Variants in SKAP1 observed in about 807,000 individuals in gnomAD.
The protein encoded by SKAP1 is src kinase-associated phosphoprotein 1.
SKAP1 carries 44 observed loss-of-function variants against 58.5 expected under a neutral mutation model. The ratio of observed to expected loss-of-function variants is 0.75; its 90% CI spans 0.59 to 0.97. The LOEUF (loss-of-function observed/expected upper bound fraction) is 0.97, where lower values mean the gene tolerates loss of function less well. Ranked by LOEUF, SKAP1 falls within the 50% of genes least tolerant of loss-of-function variation. The probability of loss-of-function intolerance (pLI) is 0.00; values close to 1 mark genes in which losing one functional copy is unlikely to be tolerated. For synonymous variants in SKAP1, 127 were observed against 149.7 expected (o/e 0.85, Z 1.11); for missense variants, 390 against 435.2 (o/e 0.90, Z 0.92).
chr17:48,246,010 A>G (rs2065292466), intron 4 of SKAP1, among the ~76,000 whole-genome samples: 1 of 152,062 alleles, frequency 6.6e-6, no homozygotes, highest in Non-Finnish European at 1.5e-5. Flanking sequence ...AAAACAACAA[A>G]AAAACCCACA....
At chr17:48,226,417 T>C (rs2065069092) in intron 4 of SKAP1, among the ~76,000 whole-genome samples, 1 of 152,168 alleles carries the variant, frequency 6.6e-6, no homozygotes, top group Non-Finnish European at 1.5e-5. Context: ...CATTTTTCTA[T>C]AGGCACTATT....
rs543208757 is a variant in SKAP1, at chr17:48,244,794, A to G, written c.281-55294T>C. 2.6e-5 allele frequency among the ~76,000 whole-genome samples: 4 copies of G among 152,342 alleles called. No homozygotes were observed. The East Asian group carries it at 7.7e-4, about 29-fold the overall frequency. ...CGTTCACAGGGAAAATGAGTCAAAT[A>G]ATTAGTTAAAACTTATATTTACATC... On this transcript the variant is annotated intron_variant, in intron 4 of 12. Coordinates refer to ENST00000336915, the MANE Select transcript of SKAP1 (RefSeq NM_003726.4).
intron 3 of SKAP1, among the ~76,000 whole-genome samples, chr17:48,359,841 A>T (rs2066915101): frequency 6.6e-6 from 1 of 152,032 alleles, no homozygotes; most frequent in Non-Finnish European, 1.5e-5. Flanking sequence ...CCTGGGCTCA[A>T]GCAATCTACC....
chr17:48,251,692 A>G (rs1372538279), intron 4 of SKAP1, among the ~76,000 whole-genome samples: 2 of 152,188 alleles, frequency 1.3e-5, no homozygotes, highest in Non-Finnish European at 2.9e-5. Context: ...ATTGATTAAA[A>G]CATGAAATTC....
At chr17:48,441,269 A>AATTC in the SKAP1 span, among the ~76,000 whole-genome samples, 1 of 152,174 alleles carries the variant, frequency 6.6e-6, no homozygotes, top group Non-Finnish European at 1.5e-5. Flanking sequence ...CAGAGCTGGA[A>AATTC]GGAACTTTAG....
intron 4 of SKAP1, among the ~76,000 whole-genome samples, chr17:48,205,967 G>A (rs995695557): frequency 2.0e-5 from 3 of 152,040 alleles, no homozygotes; most frequent in Non-Finnish European, 2.9e-5. Context: ...GGTCCAGAAC[G>A]TGGTGCTCTG....
intron 4 of SKAP1, among the ~76,000 whole-genome samples, chr17:48,204,973 T>TTTTCTTTTCTTTCTTTTTC (rs71356522): frequency 1.3e-5 from 1 of 77,296 alleles, no homozygotes; most frequent in Non-Finnish European, 2.4e-5. Context: ...TTTTCTTTTC[T>TTTTCTTTTCTTTCTTTTTC]TTTCTTTCTT....
intron 2 of SKAP1, among the ~76,000 whole-genome samples, chr17:48,374,016 G>A (rs767952162): frequency 4.6e-5 from 7 of 151,948 alleles, no homozygotes; most frequent in Non-Finnish European, 8.8e-5. Context: ...ATGACTTAAG[G>A]ACATCCAAAT....
At chr17:48,374,446 C>G (rs16956001) in intron 2 of SKAP1, among the ~76,000 whole-genome samples, 12,446 of 152,262 alleles carry the variant, frequency 0.082, 654 homozygotes, top group East Asian at 0.2. Context: ...TCTCTGTTCT[C>G]TGATAATGGC....
At chr17:48,205,356 G>A (rs1161666296) in intron 4 of SKAP1, among the ~76,000 whole-genome samples, 1 of 151,816 alleles carries the variant, frequency 6.6e-6, no homozygotes, top group East Asian at 1.9e-4. Context: ...AGCAATTCAC[G>A]TGCCTCGGCC....
the SKAP1 span, among the ~76,000 whole-genome samples, chr17:48,444,132 C>T: frequency 1.0e-5 from 1 of 99,198 alleles, no homozygotes; most frequent in African/African-American, 2.7e-5. Flanking sequence ...CAGTGACTCA[C>T]GCCTGTAATC....
chr17:48,185,325 C>T (rs2064434737), intron 6 of SKAP1: 1 of 152,940 alleles, frequency 6.5e-6, no homozygotes, highest in Non-Finnish European at 1.5e-5. Flanking sequence ...ACTTCTCTTC[C>T]CCTTCCCTGC....
intron 1 of SKAP1, among the ~76,000 whole-genome samples, chr17:48,406,242 C>G (rs574150274): frequency 2.2e-4 from 33 of 151,120 alleles, no homozygotes; most frequent in African/African-American, 7.8e-4. Context: ...TCCAGCCTGG[C>G]GACAGAGCAA....
At chr17:48,316,227 C>G (rs910978613) in intron 4 of SKAP1, among the ~76,000 whole-genome samples, 3 of 152,152 alleles carry the variant, frequency 2.0e-5, no homozygotes, top group African/African-American at 7.2e-5. Context: ...GTGACTTAGT[C>G]CTTTCTGTCT....
chr17:48,192,675 G>C (rs527817788), intron 4 of SKAP1, among the ~76,000 whole-genome samples: 20 of 152,236 alleles, frequency 1.3e-4, no homozygotes, highest in Admixed American at 5.2e-4. Flanking sequence ...AATTACCCAG[G>C]GGGGAGGAAG....
chr17:48,222,930 G>A (rs1251620329), intron 4 of SKAP1, among the ~76,000 whole-genome samples: 1 of 151,304 alleles, frequency 6.6e-6, no homozygotes, highest in Non-Finnish European at 1.5e-5. Context: ...TGGGCGTGGA[G>A]GTGAGTGCCT....
intron 4 of SKAP1, among the ~76,000 whole-genome samples, chr17:48,271,022 T>C (rs2924254): frequency 0.46 from 69,641 of 151,592 alleles, 16,251 homozygotes; most frequent in South Asian, 0.62. Context: ...CAGAAGGAGA[T>C]AGGAGAGCAC....
intron 2 of SKAP1, among the ~76,000 whole-genome samples, chr17:48,396,352 G>A (rs1194543326): frequency 2.6e-5 from 4 of 152,126 alleles, no homozygotes; most frequent in Non-Finnish European, 5.9e-5. Flanking sequence ...ACACTTTCTC[G>A]TTAATAATTT....
At chr17:48,441,123 A>T in the SKAP1 span, among the ~76,000 whole-genome samples, 1 of 152,114 alleles carries the variant, frequency 6.6e-6, no homozygotes, top group Non-Finnish European at 1.5e-5. Context: ...AAAAACAAAA[A>T]CCAAACAAAC....
Sources: gnomAD v4.1 joint callset for allele counts (sites outside exome capture counted in the v4.1 genomes callset) on GRCh38, gnomAD v4.1.1 for gene constraint, MANE v1.5 for transcripts, NCBI Gene and HGNC (gene_info 2026-07-23, HGNC 2026-07-21) for gene names.